Variants in OTOGL observed in about 807,000 individuals in gnomAD.
OTOGL encodes otogelin like, also known as otogelin-like protein.
A neutral mutation model predicts 318.5 loss-of-function variants in OTOGL; 285 were observed. The ratio of observed to expected loss-of-function variants is 0.89; its 90% CI spans 0.81 to 0.99. The LOEUF (loss-of-function observed/expected upper bound fraction) is 0.99. OTOGL is among the 50% of genes least tolerant of loss of function. The pLI is 0.00. For missense variants in OTOGL, 2,899 were observed against 2,845.6 expected (o/e 1.02, Z -0.43); for synonymous variants, 987 against 936.5 (o/e 1.05, Z -0.99).
chr12:80,292,232 C>A (rs1298176459), intron 26 of OTOGL, among the ~76,000 whole-genome samples: 1 of 152,208 alleles, frequency 6.6e-6, no homozygotes, highest in African/African-American at 2.4e-5. Context: ...AGGAGATCAG[C>A]CTGCCTCGGC....
intron 52 of OTOGL, among the ~76,000 whole-genome samples, chr12:80,361,343 A>C (rs1890228233): frequency 6.6e-6 from 1 of 151,648 alleles, no homozygotes; most frequent in African/African-American, 2.4e-5. Flanking sequence ...ATGGTATTGC[A>C]TTGTGTATAT....
intron 11 of OTOGL, among the ~76,000 whole-genome samples, chr12:80,240,327 C>A (rs1299718430): frequency 6.6e-6 from 1 of 152,042 alleles, no homozygotes; most frequent in Non-Finnish European, 1.5e-5. Flanking sequence ...GGCTCTTAAG[C>A]ATTTTTATGC....
chr12:80,155,350 C>G (rs758093067), intron 1 of OTOGL, among the ~76,000 whole-genome samples: 2 of 152,176 alleles, frequency 1.3e-5, no homozygotes, highest in Non-Finnish European at 2.9e-5. Flanking sequence ...AAAAAGTCAT[C>G]ACCCTATTCA....
chr12:80,237,298 A>T (rs1163909610), intron 9 of OTOGL, among the ~76,000 whole-genome samples: 1 of 152,202 alleles, frequency 6.6e-6, no homozygotes, highest in Non-Finnish European at 1.5e-5. Flanking sequence ...TTGTAATGGA[A>T]AATAAAATAA....
chr12:80,139,238 C>A (rs982305804), intron 1 of OTOGL, among the ~76,000 whole-genome samples: 3 of 152,098 alleles, frequency 2.0e-5, no homozygotes, highest in African/African-American at 7.2e-5. Context: ...GCGGTAGGAT[C>A]TTGGGAGTTA....
chr12:80,181,715 G>T (rs902341486), intron 1 of OTOGL, among the ~76,000 whole-genome samples: 2 of 152,050 alleles, frequency 1.3e-5, no homozygotes, highest in Admixed American at 6.6e-5. Flanking sequence ...TGCTTTAGGG[G>T]TATGACTGCA....
At chr12:80,329,512 G>T (rs1887934240) in intron 37 of OTOGL, among the ~76,000 whole-genome samples, 1 of 152,204 alleles carries the variant, frequency 6.6e-6, no homozygotes, top group Admixed American at 6.5e-5. Context: ...ATCCCACTTA[G>T]ATTTTCACAG....
chr12:80,375,178 A>G (rs1566025311), intron 57 of OTOGL, among the ~76,000 whole-genome samples: 1 of 152,058 alleles, frequency 6.6e-6, no homozygotes, highest in African/African-American at 2.4e-5. Context: ...TGTTGAAGAG[A>G]TTGTGGAGGT....
chr12:80,195,683 C>T (rs560444736), intron 1 of OTOGL, among the ~76,000 whole-genome samples: 2 of 152,212 alleles, frequency 1.3e-5, no homozygotes, highest in East Asian at 3.9e-4. Flanking sequence ...TAGACAATGC[C>T]CTATCATGGC....
At chr12:80,126,669 G>A (rs1372703602) in intron 1 of OTOGL, among the ~76,000 whole-genome samples, 1 of 152,128 alleles carries the variant, frequency 6.6e-6, no homozygotes, top group Non-Finnish European at 1.5e-5. Flanking sequence ...TATTGTGTGG[G>A]AGTCTAAGCC....
rs779938881 is a variant in OTOGL, at chr12:80,352,395, A to C, written c.5366A>C (p.Lys1789Thr). 74 of 1,612,204 alleles carry C rather than the reference A, an allele frequency of 4.6e-5. No homozygotes were observed. The highest frequency in any genetic ancestry group is 5.0e-5 in the Admixed American group (3 of 59,736). The change falls in exon 45 of 59, where the codon AAG becomes ACG. Residue 1789 changes from lysine to threonine, a missense_variant. Around this residue, in one of 3 missense-constraint regions of OTOGL, gnomAD observed 2,607 missense variants for 2,524.9 expected, o/e 1.03. Transcript: ENST00000547103. ...ALSAYVALCN[K>T]FDICIQWRTP... ...TCTGCATATGTGGCTCTGTGCAACA[A>C]GTTTGATATCTGTATTCAGTGGAGA... is the stretch of plus-strand genomic sequence containing the variant.
chr12:80,185,666 G>T (rs898023943), intron 1 of OTOGL, among the ~76,000 whole-genome samples: 6 of 152,084 alleles, frequency 3.9e-5, no homozygotes, highest in African/African-American at 1.4e-4. Flanking sequence ...TCATAATCTT[G>T]TTTTGTTAAT....
At chr12:80,367,874 T>C (rs2138080342) in intron 54 of OTOGL, 135 bp downstream of exon 54, 1 of 642,336 alleles carries the variant, frequency 1.6e-6, no homozygotes, top group Non-Finnish European at 2.4e-6. Flanking sequence ...TACTATTTTG[T>C]AATATATCAA....
At chr12:80,171,602 C>T (rs984815320) in intron 1 of OTOGL, among the ~76,000 whole-genome samples, 3 of 152,140 alleles carry the variant, frequency 2.0e-5, no homozygotes, top group African/African-American at 7.2e-5. Flanking sequence ...AAATCAGGTT[C>T]TGTGAACCCT....
intron 1 of OTOGL, among the ~76,000 whole-genome samples, chr12:80,167,289 G>T (rs1026100892): frequency 2.6e-5 from 4 of 152,132 alleles, no homozygotes; most frequent in Non-Finnish European, 5.9e-5. Context: ...TCCAAAGACA[G>T]TTGAGGGCTG....
intron 44 of OTOGL, among the ~76,000 whole-genome samples, chr12:80,350,558 C>T (rs1889479847): frequency 6.6e-6 from 1 of 152,146 alleles, no homozygotes; most frequent in Non-Finnish European, 1.5e-5. Flanking sequence ...ACATCCTCGC[C>T]AATGATCGTT....
intron 1 of OTOGL, among the ~76,000 whole-genome samples, chr12:80,164,284 C>A (rs768835586): frequency 6.6e-6 from 1 of 152,116 alleles, no homozygotes; most frequent in Admixed American, 6.6e-5. Flanking sequence ...GGTATACATA[C>A]CTAAAAAACT....
intron 1 of OTOGL, among the ~76,000 whole-genome samples, chr12:80,156,796 G>T (rs950372578): frequency 1.3e-5 from 2 of 152,054 alleles, no homozygotes; most frequent in Non-Finnish European, 2.9e-5. Context: ...TCTGTAAATT[G>T]CCCAGTCTTG....
intron 22 of OTOGL, among the ~76,000 whole-genome samples, chr12:80,268,209 G>GA: frequency 1.3e-5 from 2 of 152,060 alleles, no homozygotes; most frequent in African/African-American, 4.8e-5. Context: ...ATAATAGACA[G>GA]TAGATAATAA....
Sources: gnomAD v4.1 joint callset for allele counts (sites outside exome capture counted in the v4.1 genomes callset) on GRCh38, gnomAD v4.1.1 for gene constraint, gnomAD v4.1.1 regional missense constraint, MANE v1.5 for transcripts, NCBI Gene and HGNC (gene_info 2026-07-23, HGNC 2026-07-21) for gene names.